RTL4: variants seen among roughly 807,000 people sequenced by gnomAD.
The protein encoded by RTL4 is retrotransposon Gag-like protein 4.
RTL4 carries 4 observed loss-of-function variants against 5.3 expected under a neutral mutation model. The ratio of observed to expected loss-of-function variants is 0.75; its 90% CI spans 0.37 to 1.72. The LOEUF is 1.72. RTL4 is among the 40% of genes most tolerant of loss of function. The pLI is 0.04. For missense variants in RTL4, 260 were observed against 227.1 expected, an observed-to-expected ratio of 1.14 and a Z score of -0.93; for synonymous variants, 98 against 87.3, an observed-to-expected ratio of 1.12 and a Z score of -0.68.
At chrX:112,238,976 A>T in the RTL4 span, among the ~76,000 whole-genome samples, 6 of 111,887 alleles carry the variant, frequency 5.4e-5, no homozygotes, top group Non-Finnish European at 1.1e-4. Context: ...GCAGAAGCAG[A>T]TGACTATATT....
the RTL4 span, among the ~76,000 whole-genome samples, chrX:112,436,881 G>A: frequency 9.0e-6 from 1 of 111,459 alleles, no homozygotes; most frequent in Non-Finnish European, 1.9e-5. Context: ...TCACCCAGGA[G>A]CCTCAGTGGC....
the RTL4 span, among the ~76,000 whole-genome samples, chrX:112,163,383 T>C: frequency 1.8e-5 from 2 of 111,818 alleles, no homozygotes; most frequent in African/African-American, 6.5e-5. Context: ...CCTAGAGTTC[T>C]GCAAATTGTG....
At chrX:112,271,298 G>T in the RTL4 span, among the ~76,000 whole-genome samples, 248 of 113,266 alleles carry the variant, frequency 2.2e-3, 1 homozygote, top group African/African-American at 7.4e-3. Context: ...TTTCGAGATC[G>T]ATCTTTTGAA....
the RTL4 span, among the ~76,000 whole-genome samples, chrX:112,091,519 T>C: frequency 8.9e-6 from 1 of 112,109 alleles, no homozygotes; most frequent in Admixed American, 9.5e-5. Flanking sequence ...GGGTTTGTTG[T>C]TTAATGTCCA....
the RTL4 span, among the ~76,000 whole-genome samples, chrX:112,213,808 C>T: frequency 9.1e-6 from 1 of 109,535 alleles, no homozygotes; most frequent in Admixed American, 9.8e-5. Context: ...TCTTCCTGAG[C>T]CCCTGGCCAC....
At chrX:112,254,353 C>T in the RTL4 span, among the ~76,000 whole-genome samples, 353 of 108,012 alleles carry the variant, frequency 3.3e-3, 2 homozygotes, top group African/African-American at 0.011. Context: ...TTTTTTGAGA[C>T]GGAGTCTGGC....
chrX:112,284,727 A>G, the RTL4 span, among the ~76,000 whole-genome samples: 1 of 111,596 alleles, frequency 9.0e-6, no homozygotes, highest in Non-Finnish European at 1.9e-5. Context: ...CCAGGCCTCT[A>G]TGAGTCCTCT....
At chrX:112,289,852 T>C in the RTL4 span, among the ~76,000 whole-genome samples, 2 of 110,423 alleles carry the variant, frequency 1.8e-5, no homozygotes, top group Non-Finnish European at 3.8e-5. Context: ...CCCTTTGAGG[T>C]AAGTGAGGTA....
chrX:112,346,547 C>T, the RTL4 span, among the ~76,000 whole-genome samples: 3 of 111,340 alleles, frequency 2.7e-5, no homozygotes, highest in East Asian at 2.8e-4. Context: ...ATTGGAGTCA[C>T]GAAGAATGGC....
chrX:112,205,222 C>A, the RTL4 span, among the ~76,000 whole-genome samples: 1 of 110,646 alleles, frequency 9.0e-6, no homozygotes, highest in Admixed American at 9.6e-5. Flanking sequence ...TGTAAAAACC[C>A]CAAAAGCACA....
chrX:112,209,087 T>G, the RTL4 span, among the ~76,000 whole-genome samples: 1 of 111,777 alleles, frequency 8.9e-6, no homozygotes, highest in Non-Finnish European at 1.9e-5. Context: ...AAAGACTGAG[T>G]GGTGTCCATA....
At chrX:112,253,809 T>G in the RTL4 span, among the ~76,000 whole-genome samples, 2 of 112,344 alleles carry the variant, frequency 1.8e-5, no homozygotes, top group Admixed American at 9.4e-5. Context: ...TCTGCTAAGT[T>G]ACGCCTCTAC....
the RTL4 span, among the ~76,000 whole-genome samples, chrX:112,352,481 A>G: frequency 9.0e-6 from 1 of 111,385 alleles, no homozygotes; most frequent in African/African-American, 3.3e-5. Context: ...ACCAAAACAG[A>G]GATATACATC....
At chrX:112,206,152 G>A in the RTL4 span, among the ~76,000 whole-genome samples, 1 of 111,411 alleles carries the variant, frequency 9.0e-6, no homozygotes, top group African/African-American at 3.3e-5. Context: ...ACTTTTAATC[G>A]TTTAAACTTT....
At chrX:112,319,637 C>CT in the RTL4 span, among the ~76,000 whole-genome samples, 1 of 111,702 alleles carries the variant, frequency 9.0e-6, no homozygotes, top group South Asian at 3.8e-4. Context: ...GCTTATGCCT[C>CT]TTTCCATCAA....
chrX:112,211,942 C>T, the RTL4 span, among the ~76,000 whole-genome samples: 6 of 112,108 alleles, frequency 5.4e-5, no homozygotes, highest in Non-Finnish European at 9.4e-5. Flanking sequence ...TAGAGGTGAA[C>T]AGGGAGTGTG....
chrX:112,163,247 T>G, the RTL4 span, among the ~76,000 whole-genome samples: 1 of 112,185 alleles, frequency 8.9e-6, no homozygotes, highest in African/African-American at 3.2e-5. Context: ...CTCTTGACTT[T>G]GTGACTTTGG....
chrX:112,195,827 A>G, the RTL4 span, among the ~76,000 whole-genome samples: 1 of 111,665 alleles, frequency 9.0e-6, no homozygotes, highest in Admixed American at 9.6e-5. Flanking sequence ...TAGAAAGACA[A>G]TAAATACTTA....
At chrX:112,327,756 G>C in the RTL4 span, among the ~76,000 whole-genome samples, 506 of 111,432 alleles carry the variant, frequency 4.5e-3, 4 homozygotes, top group African/African-American at 0.016. Flanking sequence ...CAGCCAGAGA[G>C]AAAGGTCGGG....
Sources: gnomAD v4.1 joint callset for allele counts (sites outside exome capture counted in the v4.1 genomes callset) on GRCh38, gnomAD v4.1.1 for gene constraint, MANE v1.5 for transcripts, NCBI Gene and HGNC (gene_info 2026-07-23, HGNC 2026-07-21) for gene names.